CAGE1: variants seen among roughly 807,000 people sequenced by gnomAD.
CAGE1 encodes the protein cancer-associated gene 1 protein.
Under a neutral mutation model 94.9 loss-of-function variants are expected in CAGE1, and 66 were observed. The ratio of observed to expected loss-of-function variants is 0.70; its 90% CI spans 0.57 to 0.85. The LOEUF is 0.85. CAGE1 is among the 40% of genes least tolerant of loss of function. CAGE1 has a pLI of 0.00. For missense variants in CAGE1, 865 were observed against 950.4 expected (o/e 0.91, Z 1.18); for synonymous variants, 319 against 321.0 (o/e 0.99, Z 0.07).
chr6:7,364,139 G>A (rs150880688), intron 9 of CAGE1, among the ~76,000 whole-genome samples: 1 of 152,264 alleles, frequency 6.6e-6, no homozygotes, highest in East Asian at 1.9e-4. Flanking sequence ...TACTGCTAAT[G>A]GACAACAGAA....
rs549854043 is a variant in CAGE1 at position 7,383,904 on chromosome 6, T to A, written c.283+1881A>T. Reference sequence around the variant, plus strand: ...TGCTGTTACTGATAATAGTAAGTTTTTAAGAATTACTGTTTTACATTTGTT... The same window carrying A: ...TGCTGTTACTGATAATAGTAAGTTTATAAGAATTACTGTTTTACATTTGTT... On this transcript the variant is annotated intron_variant, in intron 3 of 13. Transcript: ENST00000502583. 5.9e-5 allele frequency among the ~76,000 whole-genome samples: 9 copies of A among 152,310 alleles called. No homozygotes were observed. The South Asian group carries it at 1.9e-3, about 32-fold the overall frequency.
intron 12 of CAGE1, chr6:7,331,207 T>C (rs1758741450): frequency 8.6e-6 from 3 of 348,780 alleles, no homozygotes; most frequent in Admixed American, 3.8e-5. Flanking sequence ...ACCAACACTA[T>C]AGTTTTTGGG....
chr6:7,344,654 C>G (rs1263605692), intron 11 of CAGE1, among the ~76,000 whole-genome samples: 1 of 152,224 alleles, frequency 6.6e-6, no homozygotes, highest in Non-Finnish European at 1.5e-5. Context: ...GGTGCCGGAT[C>G]CACTGGGTGA....
At chr6:7,372,964 T>C in intron 5 of CAGE1, 109 bp downstream of exon 5, 4 of 824,352 alleles carry the variant, frequency 4.9e-6, no homozygotes, top group Non-Finnish European at 5.5e-6. Flanking sequence ...TTTCTTTCTT[T>C]AATAATTCTT....
chr6:7,387,159 A>G lies in CAGE1; in HGVS notation c.15T>C (p.Tyr5=). ...CTGAAGGTGATGACCAAAATTTTTGATAGTCCTTGTTCATAACTGTTGAAC... is the reference window on the plus strand; with the variant it reads ...CTGAAGGTGATGACCAAAATTTTTGGTAGTCCTTGTTCATAACTGTTGAAC... The part of the protein sequence containing the change: MNKD[Y]QKFWSSPSDP... Residue 5 remains tyrosine, a synonymous_variant, in exon 2 of 14, where the codon TAT becomes TAC. Coordinates refer to ENST00000502583, the MANE Select transcript of CAGE1 (RefSeq NM_001170692.2). The G allele has an allele frequency of 6.4e-7, 1 of 1,550,922 alleles. No individual in the cohort carries two copies. Among genetic ancestry groups the G allele is most frequent in the Non-Finnish European group, 8.7e-7 (1 of 1,146,404 alleles).
At chr6:7,334,901 A>AC (rs1383056730) in intron 11 of CAGE1, among the ~76,000 whole-genome samples, 1 of 152,154 alleles carries the variant, frequency 6.6e-6, no homozygotes, top group African/African-American at 2.4e-5. Context: ...AAATCAACAC[A>AC]AATTCTGTGG....
chr6:7,381,277 A>G (rs927594932), intron 3 of CAGE1, among the ~76,000 whole-genome samples: 7 of 152,172 alleles, frequency 4.6e-5, no homozygotes, highest in African/African-American at 1.7e-4. Context: ...TGTCCTTATA[A>G]GAGGAGGAAG....
intron 11 of CAGE1, among the ~76,000 whole-genome samples, chr6:7,336,898 T>C (rs1033201851): frequency 6.6e-6 from 1 of 152,200 alleles, no homozygotes; most frequent in Non-Finnish European, 1.5e-5. Context: ...TTTATTGGGT[T>C]ATTTGTTTTC....
intron 9 of CAGE1, among the ~76,000 whole-genome samples, chr6:7,363,014 A>G (rs556003103): frequency 5.4e-4 from 82 of 152,340 alleles, no homozygotes; most frequent in African/African-American, 1.9e-3. Flanking sequence ...CTGTAATCCC[A>G]GTACTTCCCA....
rs575964666 is a variant in CAGE1 at position 7,369,015 on chromosome 6, T to G, written c.1894-217A>C. Reference sequence around the variant, plus strand: ...ATTTCATTTTTTTTATTTTAATTTTTTTTTTTTTTTTGAGATAGAGTTTTG... The same window carrying G: ...ATTTCATTTTTTTTATTTTAATTTTGTTTTTTTTTTTGAGATAGAGTTTTG... On this transcript the variant is annotated intron_variant, in intron 6 of 13. Transcript: ENST00000502583. Among the ~76,000 whole-genome samples the G allele has an allele frequency of 2.5e-3, 376 of 151,456 alleles. 3 individuals are homozygous for G. The highest frequency in any genetic ancestry group is 8.3e-3 in the African/African-American group (345 of 41,430).
intron 3 of CAGE1, among the ~76,000 whole-genome samples, chr6:7,379,675 G>A (rs879502993): frequency 3.3e-5 from 5 of 152,142 alleles, no homozygotes; most frequent in African/African-American, 4.8e-5. Flanking sequence ...CCTCCCCAGA[G>A]ATAACCAGTG....
chr6:7,381,656 G>A (rs1371208042), intron 3 of CAGE1, among the ~76,000 whole-genome samples: 3 of 150,814 alleles, frequency 2.0e-5, no homozygotes, highest in Non-Finnish European at 4.4e-5. Flanking sequence ...AGCCTCCCAA[G>A]TAGCTGGGAA....
intron 13 of CAGE1, among the ~76,000 whole-genome samples, chr6:7,328,924 A>ATTTTTTTTTTTTTTTTTTTT (rs1264134177): frequency 1.3e-5 from 1 of 74,104 alleles, no homozygotes. Context: ...GTGTGTATAT[A>ATTTTTTTTTTTTTTTTTTTT]TATATATATA....
intron 11 of CAGE1, among the ~76,000 whole-genome samples, chr6:7,347,631 A>G (rs1206346026): frequency 6.6e-6 from 1 of 152,108 alleles, no homozygotes; most frequent in African/African-American, 2.4e-5. Context: ...AGGAGGGAAA[A>G]TAACCAAAGC....
chr6:7,345,629 T>C (rs757306547), intron 11 of CAGE1, among the ~76,000 whole-genome samples: 3 of 152,166 alleles, frequency 2.0e-5, no homozygotes, highest in Non-Finnish European at 4.4e-5. Flanking sequence ...CTAAGGCCTG[T>C]GAACGGAAAA....
chr6:7,383,819 A>T (rs12193456), intron 3 of CAGE1, among the ~76,000 whole-genome samples: 67,273 of 151,942 alleles, frequency 0.44, 17,304 homozygotes, highest in Middle Eastern at 0.59. Flanking sequence ...AAAGTTTTAT[A>T]ATGTTTTTTA....
At position 7,370,051 on chromosome 6, in the gene CAGE1, T is replaced by C. The variant is rs1385028823; in HGVS notation, c.1761A>G (p.Thr587=). Residue 587 remains threonine (T), a synonymous_variant, in exon 6 of 14, where the codon ACA becomes ACG. Coordinates refer to ENST00000502583, the MANE Select transcript of CAGE1 (RefSeq NM_001170692.2). ...AGCAATCCGGGAGCAGATTAGAATGTGTCGTTTTTGTATCCTACATGCACG... is the reference window on the plus strand; with the variant it reads ...AGCAATCCGGGAGCAGATTAGAATGCGTCGTTTTTGTATCCTACATGCACG... ...KSDITKDTKT[T]HSNLLPDCSP... 1.2e-6 allele frequency: 2 copies of C among 1,604,478 alleles called. No individual in the cohort carries two copies. Among genetic ancestry groups the C allele is most frequent in the Admixed American group, 1.7e-5 (1 of 57,428 alleles).
chr6:7,333,601 GT>G (rs5874091), intron 12 of CAGE1, among the ~76,000 whole-genome samples: 78,974 of 141,986 alleles, frequency 0.56, 23,474 homozygotes, highest in African/African-American at 0.8. Flanking sequence ...AAGGAAAAGA[GT>G]TTTTTTTTTT....
chr6:7,370,236 G>C (rs1760494033), intron 5 of CAGE1, among the ~76,000 whole-genome samples, 171 bp from the exon 6 acceptor site: 1 of 152,052 alleles, frequency 6.6e-6, no homozygotes, highest in East Asian at 1.9e-4. Flanking sequence ...TTAAATATTT[G>C]TTTACTAATT....
Sources: gnomAD v4.1 joint callset for allele counts (sites outside exome capture counted in the v4.1 genomes callset) on GRCh38, gnomAD v4.1.1 for gene constraint, MANE v1.5 for transcripts, NCBI Gene and HGNC (gene_info 2026-07-23, HGNC 2026-07-21) for gene names.